IPCEF1: variants seen among roughly 807,000 people sequenced by gnomAD.
IPCEF1 encodes the protein interaction protein for cytohesin exchange factors 1, also known as interactor protein for cytohesin exchange factors 1.
In IPCEF1, 31 loss-of-function variants were observed where a neutral mutation model predicts 50.9. The ratio of observed to expected loss-of-function variants is 0.61; its 90% CI spans 0.46 to 0.82. IPCEF1 has a LOEUF of 0.82. IPCEF1 is among the 40% of genes least tolerant of loss of function. The pLI, the probability that IPCEF1 is intolerant of heterozygous loss-of-function variation, is 0.00. For synonymous variants in IPCEF1, 181 were observed against 192.0 expected (o/e 0.94, Z 0.47); for missense variants, 458 against 514.0 (o/e 0.89, Z 1.05).
chr6:154,331,013 AAAT>A (rs1381779664), intron 1 of IPCEF1, among the ~76,000 whole-genome samples: 1 of 152,136 alleles, frequency 6.6e-6, no homozygotes, highest in Non-Finnish European at 1.5e-5. Context: ...AGTCTCTCTA[AAAT>A]AATAATTCAG....
chr6:154,233,188 C>G (rs781226906), intron 5 of IPCEF1, among the ~76,000 whole-genome samples: 2 of 152,134 alleles, frequency 1.3e-5, no homozygotes, highest in Non-Finnish European at 2.9e-5. Flanking sequence ...AGACTGGTCT[C>G]AAACTACTGG....
intron 3 of IPCEF1, among the ~76,000 whole-genome samples, chr6:154,247,923 CAAAAT>C (rs1301859628): frequency 2.0e-5 from 3 of 152,154 alleles, no homozygotes; most frequent in Non-Finnish European, 2.9e-5. Flanking sequence ...GTTACAATCT[CAAAAT>C]ATTAGAGTCA....
intron 2 of IPCEF1, among the ~76,000 whole-genome samples, chr6:154,279,570 A>G (rs556345627): frequency 5.8e-4 from 88 of 152,350 alleles, no homozygotes; most frequent in African/African-American, 2.1e-3. Context: ...GTCAAGTTTC[A>G]TCTTTTAAAT....
At chr6:154,341,591 T>C (rs188328139) in intron 1 of IPCEF1, among the ~76,000 whole-genome samples, 6 of 152,300 alleles carry the variant, frequency 3.9e-5, no homozygotes, top group African/African-American at 1.4e-4. Flanking sequence ...TTCCGGATCT[T>C]TTAATAGAGT....
intron 10 of IPCEF1, among the ~76,000 whole-genome samples, chr6:154,183,942 C>T (rs1185580984): frequency 6.6e-6 from 1 of 151,294 alleles, no homozygotes; most frequent in Non-Finnish European, 1.5e-5. Context: ...AAAACACAAA[C>T]AGGAAAAGAA....
intron 1 of IPCEF1, among the ~76,000 whole-genome samples, chr6:154,337,192 G>GCTC (rs1383835835): frequency 6.6e-6 from 1 of 152,128 alleles, no homozygotes; most frequent in African/African-American, 2.4e-5. Context: ...AACAGCCAGA[G>GCTC]CTCAGAAGTT....
chr6:154,316,542 C>T (rs1328684111), intron 1 of IPCEF1, among the ~76,000 whole-genome samples: 2 of 152,196 alleles, frequency 1.3e-5, no homozygotes, highest in Non-Finnish European at 2.9e-5. Flanking sequence ...ACTGCATACT[C>T]TCACTTACAT....
At chr6:154,165,159 T>C (rs749876074) in intron 11 of IPCEF1, among the ~76,000 whole-genome samples, 8 of 152,162 alleles carry the variant, frequency 5.3e-5, no homozygotes, top group Non-Finnish European at 1.0e-4. Context: ...TATATCATAC[T>C]CAGAGAAAAG....
chr6:154,334,541 G>A (rs1295201092), intron 1 of IPCEF1, among the ~76,000 whole-genome samples: 1 of 152,226 alleles, frequency 6.6e-6, no homozygotes, highest in African/African-American at 2.4e-5. Context: ...GGATGACCCA[G>A]GCTGGGAGGC....
chr6:154,188,208 G>C (rs964171228), intron 10 of IPCEF1, among the ~76,000 whole-genome samples: 2 of 152,030 alleles, frequency 1.3e-5, no homozygotes, highest in African/African-American at 4.8e-5. Context: ...ATGTAAACCA[G>C]CAATAGTTAT....
intron 2 of IPCEF1, among the ~76,000 whole-genome samples, chr6:154,288,143 AT>A (rs754620562): frequency 2.0e-5 from 3 of 152,252 alleles, no homozygotes; most frequent in Non-Finnish European, 4.4e-5. Flanking sequence ...GAGAAGGGCA[AT>A]GGTCACCAAA....
chr6:154,294,171 T>C (rs1009867786), intron 1 of IPCEF1, among the ~76,000 whole-genome samples: 4 of 152,240 alleles, frequency 2.6e-5, no homozygotes, highest in African/African-American at 9.6e-5. Context: ...GGCCCAATTC[T>C]TTTATTCAAC....
At chr6:154,161,275 A>G (rs1415054406) in intron 11 of IPCEF1, among the ~76,000 whole-genome samples, 2 of 150,830 alleles carry the variant, frequency 1.3e-5, no homozygotes, top group East Asian at 2.0e-4. Flanking sequence ...CAGTGGCCCA[A>G]TCTCAGCTCA....
intron 3 of IPCEF1, among the ~76,000 whole-genome samples, chr6:154,253,550 A>G (rs1188866503): frequency 1.3e-5 from 2 of 152,252 alleles, no homozygotes; most frequent in Non-Finnish European, 2.9e-5. Context: ...ATTATTTACA[A>G]TGTTATGCTA....
intron 2 of IPCEF1, among the ~76,000 whole-genome samples, chr6:154,279,338 G>T (rs1197472019): frequency 1.3e-5 from 2 of 152,148 alleles, no homozygotes. Flanking sequence ...CTTAAAAAGG[G>T]TATAAATAAA....
At position 154,180,991 on chromosome 6, in the gene IPCEF1, T is replaced by C. The variant is rs373804968; in HGVS notation, c.911-12878A>G. On this transcript the variant is annotated intron_variant, in intron 10 of 11. Transcript: ENST00000367220. ...GTCACCAAGAGAAGAAAAAACTATA[T>C]AGTCATTTGGGTATTTTGCATACCC... is the stretch of plus-strand genomic sequence containing the variant. Among the ~76,000 whole-genome samples the C allele has an allele frequency of 2.0e-3, 298 of 152,196 alleles. 2 individuals are homozygous for C. The highest frequency in any genetic ancestry group is 3.5e-3 in the Non-Finnish European group (241 of 68,004).
At chr6:154,351,083 C>A (rs987746371) in intron 1 of IPCEF1, among the ~76,000 whole-genome samples, 1 of 152,202 alleles carries the variant, frequency 6.6e-6, no homozygotes, top group African/African-American at 2.4e-5. Flanking sequence ...AAGTTAAATG[C>A]TTGCTTGTAG....
intron 2 of IPCEF1, among the ~76,000 whole-genome samples, chr6:154,270,589 G>A (rs1384954383): frequency 6.6e-6 from 1 of 152,146 alleles, no homozygotes; most frequent in Non-Finnish European, 1.5e-5. Context: ...GTTAAATTAT[G>A]TACCAATAAT....
intron 5 of IPCEF1, among the ~76,000 whole-genome samples, chr6:154,235,918 A>G (rs1041023896): frequency 6.6e-6 from 1 of 152,210 alleles, no homozygotes; most frequent in Non-Finnish European, 1.5e-5. Flanking sequence ...TTGAGGATGT[A>G]GAGAAAATGG....
Sources: allele counts gnomAD v4.1 joint callset (sites outside exome capture counted in the v4.1 genomes callset), GRCh38; gene constraint gnomAD v4.1.1; transcripts MANE v1.5; gene names NCBI Gene and HGNC (gene_info 2026-07-23, HGNC 2026-07-21).